Variants in NEB observed in about 807,000 individuals in gnomAD.
NEB encodes nemaline myopathy type 2.
In NEB, 512 loss-of-function variants were observed where a neutral mutation model predicts 952.2. That is an observed-to-expected ratio of 0.54 (90% CI 0.50 to 0.58). The LOEUF (loss-of-function observed/expected upper bound fraction) is 0.58, where lower values mean the gene tolerates loss of function less well. Ranked by LOEUF, NEB falls within the 20% of genes least tolerant of loss-of-function variation. The probability of loss-of-function intolerance (pLI) is 0.00; values close to 1 mark genes in which losing one functional copy is unlikely to be tolerated. For missense variants in NEB, 8,428 were observed against 9,231.1 expected, an observed-to-expected ratio of 0.91 and a Z score of 3.56; for synonymous variants, 2,900 against 3,149.8, an observed-to-expected ratio of 0.92 and a Z score of 2.66.
chr2:151,709,315 T>G lies in NEB; in HGVS notation c.1035+341A>C, dbSNP rs561204709. On this transcript the variant is annotated intron_variant, in intron 12 of 181. Transcript: ENST00000397345. The stretch of plus-strand genomic sequence containing the variant: ...CTCCTTCTAAACAGCAAAAGGCCCT[T>G]CCAGTGAGAAGACACTAAATCAAAT... 2.6e-5 allele frequency among the ~76,000 whole-genome samples: 4 copies of G among 152,306 alleles called. No homozygotes were observed. In the East Asian group the frequency reaches 7.7e-4, roughly 29 times the overall value.
intron 128 of NEB, among the ~76,000 whole-genome samples, chr2:151,552,156 A>G (rs1038365553): frequency 8.5e-5 from 13 of 152,240 alleles, no homozygotes; most frequent in African/African-American, 3.1e-4. Context: ...AAGAAAGAGC[A>G]GCTTTGTGCC....
At chr2:151,594,747 T>A (rs201792803) in intron 92 of NEB, among the ~76,000 whole-genome samples, 1,422 of 92,770 alleles carry the variant, frequency 0.015, 8 homozygotes, top group Non-Finnish European at 0.022. Context: ...TATATTCCAG[T>A]TGGGGAAAAC....
rs2056059746 is a variant in NEB, at chr2:151,490,993, AAACTGG to A, written c.25151-481_25151-476del. ...GATTTACTTCTGTGTCTTGATCAGA[AAACTGG>A]AGTATAAATCCTTTGAGGACTGTCT... On this transcript the variant is annotated intron_variant, in intron 179 of 181. Coordinates refer to ENST00000397345, the MANE Select transcript of NEB (RefSeq NM_001164508.2). Among the ~76,000 whole-genome samples, 3 of 152,160 alleles carry A rather than the reference AAACTGG, an allele frequency of 2.0e-5. No individual in the cohort carries two copies. The South Asian group carries it at 6.2e-4, about 32-fold the overall frequency.
chr2:151,724,144 C>T, intron 8 of NEB, 116 bp downstream of exon 8: 1 of 818,530 alleles, frequency 1.2e-6, no homozygotes. Flanking sequence ...CTCAAGGCTA[C>T]TCATAAAAAG....
At chr2:151,714,721 G>GT (rs891235897) in intron 10 of NEB, among the ~76,000 whole-genome samples, 2 of 152,088 alleles carry the variant, frequency 1.3e-5, no homozygotes, top group African/African-American at 2.4e-5. Flanking sequence ...GATAAAGGAG[G>GT]TTTTTTAAAA....
At chr2:151,570,420 G>T in intron 108 of NEB, 28 bp from the exon 109 acceptor site, 1 of 1,578,252 alleles carries the variant, frequency 6.3e-7, no homozygotes, top group Non-Finnish European at 8.6e-7. Flanking sequence ...AAGCAGATGG[G>T]TCACAGCATG....
Position 151,671,069 on chromosome 2 carries a change from G to C in NEB, c.4460C>G (p.Ser1487Cys), listed in dbSNP as rs1179223658. 6.2e-7 allele frequency: 1 copy of C among 1,613,920 alleles called. No homozygotes were observed. The highest frequency in any genetic ancestry group is 1.7e-5 in the Admixed American group (1 of 60,014). The change falls in exon 38 of 182, where the codon TCC becomes TGC. Residue 1487 changes from serine (S) to cysteine (C), a missense_variant. Coordinates refer to ENST00000397345, the MANE Select transcript of NEB (RefSeq NM_001164508.2). Reference sequence around the variant, plus strand: ...ATGCTGAGCCAACACCATGCCCATGGAATCAGGCACACTTGTGAACTTGAC... The same window carrying C: ...ATGCTGAGCCAACACCATGCCCATGCAATCAGGCACACTTGTGAACTTGAC... ...DTVKFTSVPDSMGMVLAQHNT... is the reference protein window; with the variant it reads ...DTVKFTSVPDCMGMVLAQHNT...
At chr2:151,627,337 T>C (rs1441562312) in intron 69 of NEB, 132 bp from the exon 70 acceptor site, 64 of 1,360,966 alleles carry the variant, frequency 4.7e-5, no homozygotes, top group Non-Finnish European at 5.9e-5. Flanking sequence ...GAAGGCCAAA[T>C]TGAATACAGT....
At chr2:151,530,883 T>G in intron 145 of NEB, 111 bp downstream of exon 145, 1 of 670,986 alleles carries the variant, frequency 1.5e-6, no homozygotes, top group Non-Finnish European at 2.6e-6. Flanking sequence ...TTTAAGCCAC[T>G]AAGTTTTAGG....
chr2:151,557,008 A>G (rs1246805969), intron 124 of NEB, among the ~76,000 whole-genome samples: 2 of 152,228 alleles, frequency 1.3e-5, no homozygotes, highest in Non-Finnish European at 2.9e-5. Context: ...ACAAGAAATA[A>G]TTAAGATCAG....
At chr2:151,639,409 A>G (rs1214840662) in intron 62 of NEB, 25 bp from the exon 63 acceptor site, 1 of 1,493,304 alleles carries the variant, frequency 6.7e-7, no homozygotes, top group South Asian at 1.3e-5. Context: ...ACACAAATTC[A>G]TCAGGAAAAA....
At chr2:151,564,856 C>A (rs1226832815) in intron 117 of NEB, among the ~76,000 whole-genome samples, 188 bp downstream of exon 117, 2 of 152,200 alleles carry the variant, frequency 1.3e-5, no homozygotes, top group Non-Finnish European at 2.9e-5. Flanking sequence ...AGCTCAAAAG[C>A]ACCAGCTGAA....
chr2:151,661,903 C>T (rs2099153470), intron 46 of NEB, among the ~76,000 whole-genome samples: 3 of 151,964 alleles, frequency 2.0e-5, no homozygotes, highest in Non-Finnish European at 1.5e-5. Flanking sequence ...AGAAAAAGTC[C>T]CTATTTATTT....
rs1335474782 is a variant in NEB at position 151,729,628 on chromosome 2, T to C, written c.65A>G (p.Glu22Gly). 9 of 1,613,290 alleles carry C rather than the reference T, an allele frequency of 5.6e-6. No homozygotes were observed. Among genetic ancestry groups the C allele is most frequent in the Non-Finnish European group, 7.6e-6 (9 of 1,179,502 alleles). Reference sequence around the variant, plus strand: ...GCTGGGCCTTACCTCTCCCGGCACCTCTTCGTAAACCACTTCTTCTGTGTA... The same window carrying C: ...GCTGGGCCTTACCTCTCCCGGCACCCCTTCGTAAACCACTTCTTCTGTGTA... The part of the protein sequence containing the change: ...EYYTEEVVYE[E>G]VPGETITKIY... Residue 22 changes from glutamate to glycine, a missense_variant, in exon 4 of 182, where the codon GAG (glutamate) becomes GGG (glycine). By Grantham distance (98) the Glu-to-Gly change is moderately conservative. Coordinates refer to ENST00000397345, the MANE Select transcript of NEB (RefSeq NM_001164508.2).
intron 123 of NEB, 99 bp from the exon 124 acceptor site, chr2:151,560,798 C>G: frequency 1.2e-6 from 1 of 812,658 alleles, no homozygotes; most frequent in Admixed American, 3.0e-5. Context: ...CTCACACACT[C>G]CCTACTAACT....
chr2:151,574,069 GT>G (rs1241522758), intron 107 of NEB, among the ~76,000 whole-genome samples: 2 of 152,074 alleles, frequency 1.3e-5, no homozygotes, highest in Admixed American at 1.3e-4. Context: ...CGCCTCCTGG[GT>G]TTCACGCCAT....
intron 75 of NEB, among the ~76,000 whole-genome samples, chr2:151,617,014 G>A (rs2154007005): frequency 6.6e-6 from 1 of 152,264 alleles, no homozygotes; most frequent in East Asian, 1.9e-4. Flanking sequence ...ATAATATGCG[G>A]CTTACTAACT....
At position 151,675,524 on chromosome 2, in the gene NEB, T is replaced by A. The variant is rs532154971; in HGVS notation, c.3775-133A>T. The stretch of plus-strand genomic sequence containing the variant: ...CATCAAAGGCATTTTCCTATTTTTT[T>A]AAATAAAACAAGCATCTTATTATCT... On this transcript the variant is annotated intron_variant, in intron 34 of 181. Coordinates refer to ENST00000397345, the MANE Select transcript of NEB (RefSeq NM_001164508.2). The A allele has an allele frequency of 2.2e-3, 1,340 of 619,750 alleles. 7 individuals are homozygous for A. The highest frequency in any genetic ancestry group is 3.0e-3 in the Non-Finnish European group (1,084 of 361,818). 38.4% of individuals were successfully genotyped at this position (619,750 alleles called of 1,614,324 possible). A position where few individuals can be genotyped will look rare whatever the true frequency, so the allele number is the denominator to read the frequency against.
chr2:151,649,993 C>T (rs1321702014), intron 54 of NEB, among the ~76,000 whole-genome samples, 183 bp downstream of exon 54: 1 of 152,098 alleles, frequency 6.6e-6, no homozygotes, highest in Non-Finnish European at 1.5e-5. Flanking sequence ...CTGACACTGA[C>T]CCATTTTTAC....
Sources: allele counts gnomAD v4.1 joint callset (sites outside exome capture counted in the v4.1 genomes callset), GRCh38; gene constraint gnomAD v4.1.1; transcripts MANE v1.5; gene names NCBI Gene and HGNC (gene_info 2026-07-23, HGNC 2026-07-21).